IQSEC1: variants seen among roughly 807,000 people sequenced by gnomAD.
IQSEC1 encodes the protein IQ motif and Sec7 domain ArfGEF 1, also known as IQ motif and SEC7 domain-containing protein 1.
Under a neutral mutation model 91.0 loss-of-function variants are expected in IQSEC1, and 31 were observed. That is an observed-to-expected ratio of 0.34 (90% CI 0.26 to 0.46). The LOEUF is 0.46. Among genes scored for constraint, IQSEC1 ranks in the 20% least tolerant of loss-of-function variants. The probability of loss-of-function intolerance (pLI) is 1.00; values close to 1 mark genes in which losing one functional copy is unlikely to be tolerated. For missense variants in IQSEC1, 1,388 were observed against 1,575.6 expected (o/e 0.88, Z 2.02); for synonymous variants, 699 against 662.6 (o/e 1.05, Z -0.84).
In IQSEC1 at chr3:13,248,878, G is replaced by A. The variant is rs1160004865; in HGVS notation, c.272+33833C>T. On this transcript the variant is annotated intron_variant, in intron 1 of 15. Transcript: ENST00000648114. ...TCACACAGCTGCACAGAGAGATTGA[G>A]TAACTTGCCCGAGGTCACGTAGCTG... Among the ~76,000 whole-genome samples the A allele has an allele frequency of 3.3e-5, 3 of 91,510 alleles. No homozygotes were observed. The African/African-American group carries it at 3.7e-4, about 11-fold the overall frequency. 60.0% of individuals were successfully genotyped at this position (91,510 alleles called of 152,430 possible).
At chr3:12,933,271 A>AGT (rs1697861730) in intron 3 of IQSEC1, among the ~76,000 whole-genome samples, 2 of 152,224 alleles carry the variant, frequency 1.3e-5, no homozygotes, top group Admixed American at 6.5e-5. Context: ...GAGGCCTGCC[A>AGT]GGTGTGTGTG....
intron 1 of IQSEC1, among the ~76,000 whole-genome samples, chr3:13,227,375 C>CAAAAAAAAAAAAAAAAAAAAAAAAAAAAA (rs753199634): frequency 1.4e-5 from 1 of 70,070 alleles, no homozygotes; most frequent in African/African-American, 6.4e-5. Flanking sequence ...GACTCTGTCT[C>CAAAAAAAAAAAAAAAAAAAAAAAAAAAAA]AAAAAAAAAA....
intron 1 of IQSEC1, among the ~76,000 whole-genome samples, chr3:13,000,449 A>G (rs944596047): frequency 3.9e-5 from 6 of 152,232 alleles, no homozygotes; most frequent in African/African-American, 1.4e-4. Context: ...GGCCAGGTAC[A>G]GAGCAGAAAT....
intron 1 of IQSEC1, among the ~76,000 whole-genome samples, chr3:13,197,490 C>T (rs1361872874): frequency 1.3e-5 from 2 of 152,170 alleles, no homozygotes; most frequent in Non-Finnish European, 2.9e-5. Flanking sequence ...GCAGGGCAGG[C>T]CACTCTCCAC....
At chr3:13,196,129 G>A (rs549305497) in intron 1 of IQSEC1, among the ~76,000 whole-genome samples, 17 of 152,292 alleles carry the variant, frequency 1.1e-4, no homozygotes, top group South Asian at 4.2e-4. Context: ...GGACACTCAC[G>A]CTTTGAACCC....
chr3:13,069,764 G>A (rs927231170), intron 1 of IQSEC1, among the ~76,000 whole-genome samples: 69 of 152,304 alleles, frequency 4.5e-4, no homozygotes, highest in African/African-American at 1.5e-3. Flanking sequence ...GCCCCTTGCA[G>A]AGATGATGAA....
In IQSEC1 at chr3:13,211,104, A is replaced by G. The variant is rs1694436083; in HGVS notation, c.273-46971T>C. Among the ~76,000 whole-genome samples, 1 of 152,232 alleles carries G rather than the reference A, an allele frequency of 6.6e-6. No individual in the cohort carries two copies. ...AGTGCCTGACACACAGTAGGTGTGC[A>G]GTAAAGGTGTGTCGGATGACTGAGT... On this transcript the variant is annotated intron_variant, in intron 1 of 15. Transcript: ENST00000648114. The surrounding 1 kb of genome is among the most constrained non-coding windows in gnomAD (Gnocchi z 5.3).
At chr3:13,209,461 C>T (rs1429737006) in intron 1 of IQSEC1, among the ~76,000 whole-genome samples, 1 of 152,262 alleles carries the variant, frequency 6.6e-6, no homozygotes, top group East Asian at 1.9e-4. Context: ...GGCCTCCATG[C>T]ATGCCAGCTT....
chr3:12,932,761 T>TA (rs1697796273), intron 3 of IQSEC1, among the ~76,000 whole-genome samples: 1 of 152,144 alleles, frequency 6.6e-6, no homozygotes, highest in African/African-American at 2.4e-5. Context: ...GATCCAGGAC[T>TA]GAAACCCTCC....
At chr3:12,949,131 G>T (rs933519920) in intron 1 of IQSEC1, among the ~76,000 whole-genome samples, 18 of 152,214 alleles carry the variant, frequency 1.2e-4, no homozygotes, top group African/African-American at 4.3e-4. Context: ...CCAAGTCAAG[G>T]TTGTGAGTAT....
chr3:13,129,447 C>T (rs778859948), intron 2 of IQSEC1, among the ~76,000 whole-genome samples: 2 of 152,098 alleles, frequency 1.3e-5, no homozygotes, highest in African/African-American at 4.8e-5. Flanking sequence ...TTTCATTGAT[C>T]GTCGGTATGG....
At chr3:13,104,097 C>T (rs147741644) in intron 2 of IQSEC1, among the ~76,000 whole-genome samples, 192 of 152,262 alleles carry the variant, frequency 1.3e-3, no homozygotes, top group Non-Finnish European at 2.3e-3. Context: ...CTACTAATCG[C>T]CCCACTCTTC....
chr3:13,033,907 C>T (rs1447331819), intron 1 of IQSEC1, among the ~76,000 whole-genome samples: 1 of 152,212 alleles, frequency 6.6e-6, no homozygotes, highest in Non-Finnish European at 1.5e-5. Context: ...TGTGACCAGA[C>T]ATCCGGTCAC....
intron 1 of IQSEC1, among the ~76,000 whole-genome samples, chr3:12,990,355 C>T (rs1406102075): frequency 6.6e-6 from 1 of 152,218 alleles, no homozygotes; most frequent in Non-Finnish European, 1.5e-5. Flanking sequence ...TCAGCTCAGT[C>T]TCAGTCAGGC....
intron 13 of IQSEC1, 35 bp from the exon 14 acceptor site, chr3:12,901,557 G>C: frequency 6.7e-7 from 1 of 1,500,560 alleles, no homozygotes; most frequent in Non-Finnish European, 9.0e-7. Context: ...AAAATTAAAA[G>C]ATCTTCAAGC....
chr3:13,264,308 C>A (rs1013717640), intron 1 of IQSEC1, among the ~76,000 whole-genome samples: 2 of 152,172 alleles, frequency 1.3e-5, no homozygotes, highest in Admixed American at 1.3e-4. Flanking sequence ...CCCTGACCTG[C>A]CCATGGAAAC....
intron 1 of IQSEC1, among the ~76,000 whole-genome samples, chr3:13,231,555 A>G (rs199832229): frequency 2.9e-5 from 3 of 102,000 alleles, no homozygotes; most frequent in African/African-American, 1.0e-4. Context: ...CCACCTCCCA[A>G]CGGCCCCACC....
At chr3:13,000,980 G>A (rs987239369) in intron 1 of IQSEC1, among the ~76,000 whole-genome samples, 16 of 141,160 alleles carry the variant, frequency 1.1e-4, no homozygotes, top group South Asian at 2.3e-4. Context: ...AGACAGAGGC[G>A]TGTGCTGTCA....
chr3:13,237,294 A>C (rs1694947780), intron 1 of IQSEC1, among the ~76,000 whole-genome samples: 1 of 151,018 alleles, frequency 6.6e-6, no homozygotes, highest in African/African-American at 2.5e-5. Context: ...CAGCAGGGAC[A>C]CCCTGTGGAA....
Sources: gnomAD v4.1 joint callset for allele counts (sites outside exome capture counted in the v4.1 genomes callset) on GRCh38, gnomAD v4.1.1 for gene constraint, Gnocchi (gnomAD v3.1) non-coding constraint, MANE v1.5 for transcripts, NCBI Gene and HGNC (gene_info 2026-07-23, HGNC 2026-07-21) for gene names.